CASK: variants seen among roughly 807,000 people sequenced by gnomAD.
The protein encoded by CASK is calcium/calmodulin dependent serine protein kinase.
CASK carries 4 observed loss-of-function variants against 82.9 expected under a neutral mutation model. The ratio of observed to expected loss-of-function variants is 0.05; its 90% CI spans 0.02 to 0.11. The LOEUF (loss-of-function observed/expected upper bound fraction) is 0.11, where lower values mean the gene tolerates loss of function less well. CASK is among the 10% of genes least tolerant of loss of function. CASK has a pLI of 1.00. For synonymous variants in CASK, 259 were observed against 253.5 expected, an observed-to-expected ratio of 1.02 and a Z score of -0.20; for missense variants, 358 against 720.9, an observed-to-expected ratio of 0.50 and a Z score of 5.76.
At chrX:41,823,113 TCTCTA>T (rs1260031392) in intron 2 of CASK, among the ~76,000 whole-genome samples, 3 of 109,450 alleles carry the variant, frequency 2.7e-5, no homozygotes, top group African/African-American at 1.0e-4. Context: ...CTCTCTTATC[TCTCTA>T]CTCTCTACCA....
rs2068274417 is a variant in CASK at position 41,727,109 on chromosome X, T to C, written c.429+12275A>G. The C allele has an allele frequency of 3.4e-6, 4 of 1,172,509 alleles. No homozygotes were observed. The East Asian group carries it at 8.9e-5, about 26-fold the overall frequency. Reference sequence around the variant, plus strand: ...ATCATTTACATCCTCCTTTGTATTGTTGGTGTTTTTGGAAACACTCTCTCT... The same window carrying C: ...ATCATTTACATCCTCCTTTGTATTGCTGGTGTTTTTGGAAACACTCTCTCT... On this transcript the variant is annotated intron_variant, in intron 5 of 26. Transcript: ENST00000378163.
At chrX:41,537,136 T>C (rs1207949936) in intron 22 of CASK, among the ~76,000 whole-genome samples, 1 of 110,982 alleles carries the variant, frequency 9.0e-6, no homozygotes, top group East Asian at 2.8e-4. Context: ...AAAAAACACA[T>C]AAGAATGAGT....
chrX:41,745,613 T>C lies in CASK; in HGVS notation c.279-12A>G. On this transcript the variant is annotated splice_polypyrimidine_tract_variant and intron_variant, in intron 3 of 26. Coordinates refer to ENST00000378163, the MANE Select transcript of CASK (RefSeq NM_001367721.1). ...CTGCTCCATCCATACTGTAAAAAAA[T>C]GTGAAAAAGAACATAAGAAAAGAGG... is the stretch of plus-strand genomic sequence containing the variant. The C allele has an allele frequency of 8.8e-7, 1 of 1,141,288 alleles. No individual in the cohort carries two copies. Among genetic ancestry groups the C allele is most frequent in the Non-Finnish European group, 1.2e-6 (1 of 832,656 alleles). 94.1% of individuals were successfully genotyped at this position (1,141,288 alleles called of 1,213,427 possible).
chrX:41,578,627 C>T, intron 14 of CASK, 99 bp from the exon 15 acceptor site: 1 of 635,925 alleles, frequency 1.6e-6, no homozygotes, highest in East Asian at 3.6e-5. Context: ...CTCACTCTGT[C>T]ACCCAGGGTG....
intron 3 of CASK, among the ~76,000 whole-genome samples, chrX:41,785,409 C>T (rs185781155): frequency 8.9e-6 from 1 of 112,281 alleles, no homozygotes; most frequent in African/African-American, 3.2e-5. Flanking sequence ...ATTCTGCAGA[C>T]ATTCCAGTGT....
chrX:41,593,278 C>T (rs1465798730), intron 12 of CASK, among the ~76,000 whole-genome samples: 3 of 110,992 alleles, frequency 2.7e-5, no homozygotes, highest in East Asian at 5.7e-4. Context: ...CTGTGAATCT[C>T]GGCTGCTGGC....
At chrX:41,739,222 T>C (rs1473721754) in intron 5 of CASK, among the ~76,000 whole-genome samples, 162 bp downstream of exon 5, 1 of 112,110 alleles carries the variant, frequency 8.9e-6, no homozygotes, top group Non-Finnish European at 1.9e-5. Context: ...CTAGTAAGAA[T>C]TAGTACAATG....
intron 3 of CASK, among the ~76,000 whole-genome samples, chrX:41,780,823 A>G (rs1373849818): frequency 1.8e-5 from 2 of 109,248 alleles, no homozygotes; most frequent in Non-Finnish European, 3.8e-5. Flanking sequence ...TAATTTTTGT[A>G]TTTTTAGTAG....
At chrX:41,841,145 T>C (rs780228062) in intron 2 of CASK, among the ~76,000 whole-genome samples, 63 of 112,347 alleles carry the variant, frequency 5.6e-4, no homozygotes, top group Admixed American at 1.3e-3. Flanking sequence ...TACATCATTT[T>C]GTATTCCCAA....
intron 2 of CASK, chrX:41,790,093 C>T: frequency 2.6e-6 from 1 of 384,235 alleles, no homozygotes; most frequent in African/African-American, 2.9e-5. Context: ...CTATGCCTGG[C>T]TAATTTTTTG....
chrX:41,921,719 AC>A (rs2072784193), intron 1 of CASK, among the ~76,000 whole-genome samples: 1 of 110,795 alleles, frequency 9.0e-6, no homozygotes, highest in South Asian at 3.9e-4. Flanking sequence ...ACACTGTAAT[AC>A]CTCAATATGG....
chrX:41,533,022 GCTGGTCTCAAACTC>G (rs1223336780), intron 24 of CASK, among the ~76,000 whole-genome samples: 1 of 111,124 alleles, frequency 9.0e-6, no homozygotes, highest in Non-Finnish European at 1.9e-5. Context: ...CATTGGCCAG[GCTGGTCTCAAACTC>G]CTGGTCTCAT....
chrX:41,581,282 G>A (rs755245636), intron 14 of CASK, among the ~76,000 whole-genome samples: 11 of 110,582 alleles, frequency 9.9e-5, no homozygotes, highest in Non-Finnish European at 1.3e-4. Context: ...TTGGGAGGCT[G>A]AGGCAGAAGG....
intron 5 of CASK, among the ~76,000 whole-genome samples, chrX:41,701,548 C>T (rs2067792514): frequency 8.9e-6 from 1 of 111,845 alleles, no homozygotes; most frequent in Non-Finnish European, 1.9e-5. Context: ...GAGAGATAAA[C>T]TATGCGGCAT....
chrX:41,640,348 C>T (rs749383917), intron 8 of CASK, among the ~76,000 whole-genome samples: 5 of 110,291 alleles, frequency 4.5e-5, no homozygotes, highest in African/African-American at 9.9e-5. Flanking sequence ...GGACTACAGG[C>T]GCCTGCCACC....
At chrX:41,549,712 C>T (rs748212136) in intron 21 of CASK, among the ~76,000 whole-genome samples, 13 of 109,330 alleles carry the variant, frequency 1.2e-4, no homozygotes, top group South Asian at 8.0e-4. Flanking sequence ...TGGTGGCGGG[C>T]GCCTGTAATC....
chrX:41,559,539 T>C, intron 18 of CASK: 1 of 405,282 alleles, frequency 2.5e-6, no homozygotes, highest in East Asian at 4.0e-5. Context: ...GTAACTTCTC[T>C]ACATTTTGCT....
intron 21 of CASK, among the ~76,000 whole-genome samples, chrX:41,548,278 CATAAT>C (rs1439343753): frequency 2.7e-5 from 3 of 111,197 alleles, no homozygotes; most frequent in African/African-American, 6.5e-5. Context: ...TCCACTGGCT[CATAAT>C]ATATTATCTT....
chrX:41,583,228 G>A (rs1447677893), intron 14 of CASK, among the ~76,000 whole-genome samples: 1 of 111,310 alleles, frequency 9.0e-6, no homozygotes, highest in East Asian at 2.8e-4. Context: ...AAAACATATC[G>A]AGACTTAGAA....
Sources: allele counts gnomAD v4.1 joint callset (sites outside exome capture counted in the v4.1 genomes callset), GRCh38; gene constraint gnomAD v4.1.1; transcripts MANE v1.5; gene names NCBI Gene and HGNC (gene_info 2026-07-23, HGNC 2026-07-21).